ABCG1: variants seen among roughly 807,000 people sequenced by gnomAD.
The protein encoded by ABCG1 is ATP binding cassette subfamily G member 1.
ABCG1 carries 29 observed loss-of-function variants against 69.2 expected under a neutral mutation model. That is an observed-to-expected ratio of 0.42 (90% confidence interval 0.31 to 0.57). The LOEUF (loss-of-function observed/expected upper bound fraction) is 0.57, where lower values mean the gene tolerates loss of function less well. ABCG1 is among the 20% of genes least tolerant of loss of function. The pLI, the probability that ABCG1 is intolerant of heterozygous loss-of-function variation, is 0.15. For synonymous variants in ABCG1, 370 were observed against 374.8 expected, an observed-to-expected ratio of 0.99 and a Z score of 0.15; for missense variants, 718 against 898.1, an observed-to-expected ratio of 0.80 and a Z score of 2.56.
Position 42,296,227 on chromosome 21 carries a change from C to T in ABCG1, c.1836C>T (p.Asp612=). ...YGLDREDLHC[D]IDETCHFQKS... ...TAGACCGGGAAGATCTGCACTGTGA[C>T]ATCGACGAGACGTGCCACTTCCAGA... is the stretch of plus-strand genomic sequence containing the variant. The change falls in exon 15 of 15, where the codon GAC becomes GAT. Residue 612 remains aspartate, a synonymous_variant. Coordinates refer to ENST00000398449, the MANE Select transcript of ABCG1 (RefSeq NM_016818.3). This position sits in a 1 kb window ranked among gnomAD's most constrained non-coding sequence, Gnocchi z 5.4. 9 of 1,614,146 alleles carry T rather than the reference C, an allele frequency of 5.6e-6. No individual in the cohort carries two copies. Among genetic ancestry groups the T allele is most frequent in the Non-Finnish European group, 7.6e-6 (9 of 1,180,012 alleles).
At chr21:42,267,693 G>C (rs574914843) in intron 2 of ABCG1, among the ~76,000 whole-genome samples, 1 of 150,554 alleles carries the variant, frequency 6.6e-6, no homozygotes, top group Non-Finnish European at 1.5e-5. Context: ...TCTGGGTTCT[G>C]TCTGGGTCTG....
In ABCG1 at chr21:42,282,216, T is replaced by C. The variant is rs1401901739; in HGVS notation, c.589-58T>C. The C allele has an allele frequency of 4.4e-6, 7 of 1,584,262 alleles. No individual in the cohort carries two copies. In the South Asian group the frequency reaches 6.9e-5, roughly 16 times the overall value. ...CTGGCAGGTCTTCCTGCATGGGCCA[T>C]GGGAGGTGGTGAGCTTTGGCGGGCA... On this transcript the variant is annotated intron_variant, in intron 5 of 14. Coordinates refer to ENST00000398449, the MANE Select transcript of ABCG1 (RefSeq NM_016818.3).
chr21:42,243,888 G>C (rs1434731004), intron 2 of ABCG1, among the ~76,000 whole-genome samples: 1 of 134,986 alleles, frequency 7.4e-6, no homozygotes, highest in Admixed American at 8.7e-5. Context: ...GTGCGATCTC[G>C]GCTCACTGCA....
intron 2 of ABCG1, among the ~76,000 whole-genome samples, chr21:42,231,059 G>C (rs2067894252): frequency 6.6e-6 from 1 of 152,238 alleles, no homozygotes; most frequent in African/African-American, 2.4e-5. Context: ...GCTGTAAACT[G>C]ATGTATTTTC....
rs762616158 is a variant in ABCG1, at chr21:42,282,288, G to A, written c.603G>A (p.Leu201=). The change falls in exon 6 of 15, where the codon CTG becomes CTA. Residue 201 remains leucine, a synonymous_variant. Transcript: ENST00000398449. ...EGRREMVKEI[L]TALGLLSCAN... is the part of the protein sequence containing the mutation. ...GTTGCCCCCAGGTCAAGGAGATACT[G>A]ACAGCGCTGGGCTTGCTGTCTTGCG... The A allele has an allele frequency of 8.7e-6, 14 of 1,612,090 alleles. No individual in the cohort carries two copies. In the African/African-American group the frequency reaches 1.5e-4, roughly 17 times the overall value.
At chr21:42,222,927 C>A (rs989059395) in intron 1 of ABCG1, among the ~76,000 whole-genome samples, 2 of 152,190 alleles carry the variant, frequency 1.3e-5, no homozygotes, top group East Asian at 3.8e-4. Flanking sequence ...TTCCTTCACC[C>A]CCACTACCAA....
Position 42,288,098 on chromosome 21 carries a change from G to T in ABCG1, c.1122+61G>T, listed in dbSNP as rs767466690. The T allele has an allele frequency of 6.2e-7, 1 of 1,606,866 alleles. No individual in the cohort carries two copies. The highest frequency in any genetic ancestry group is 1.7e-5 in the Admixed American group (1 of 59,800). ...GGTAATGCAAATCCCGAAGCCCCCT[G>T]GGGGAGGCTGCACGTGGCACCGTGC... On this transcript the variant is annotated intron_variant, in intron 9 of 14. Coordinates refer to ENST00000398449, the MANE Select transcript of ABCG1 (RefSeq NM_016818.3). This position sits in a 1 kb window ranked among gnomAD's most constrained non-coding sequence, Gnocchi z 4.8.
In ABCG1 at chr21:42,219,180, C is replaced by A; in HGVS notation, c.-83C>A. ...CCCGCACCCCGCGCAGCGGCTGAGC[C>A]GGGAGCCAGCGCAGCCTCGGCCCCG... On this transcript the variant is annotated 5_prime_UTR_variant, in exon 1 of 15. Coordinates refer to ENST00000398449, the MANE Select transcript of ABCG1 (RefSeq NM_016818.3). This position sits in a 1 kb window ranked among gnomAD's most constrained non-coding sequence, Gnocchi z 5.3. 1 of 1,201,916 alleles carries A rather than the reference C, an allele frequency of 8.3e-7. No individual in the cohort carries two copies. 74.5% of individuals were successfully genotyped at this position (1,201,916 alleles called of 1,614,324 possible).
chr21:42,235,654 C>T (rs1393332400), intron 2 of ABCG1, among the ~76,000 whole-genome samples: 2 of 152,094 alleles, frequency 1.3e-5, no homozygotes, highest in African/African-American at 4.8e-5. Context: ...AAGTTATTAT[C>T]GATAGAAAGG....
chr21:42,255,995 T>C lies in ABCG1; in HGVS notation c.287-15075T>C, dbSNP rs543141868. On this transcript the variant is annotated intron_variant, in intron 2 of 14. Coordinates refer to ENST00000398449, the MANE Select transcript of ABCG1 (RefSeq NM_016818.3). The stretch of plus-strand genomic sequence containing the variant: ...TTTGTGTCCCCCAGAGTGAACCAGC[T>C]GGAGCCAGGGAGCCCCTAGAGCAGT... 9.9e-6 allele frequency: 4 copies of C among 404,576 alleles called. No individual in the cohort carries two copies. In the East Asian group the frequency reaches 1.7e-4, roughly 17 times the overall value. 25.1% of individuals were successfully genotyped at this position (404,576 alleles called of 1,614,324 possible). A position where few individuals can be genotyped will look rare whatever the true frequency, so the allele number is the denominator to read the frequency against.
At chr21:42,265,589 C>G (rs1275822718) in intron 2 of ABCG1, among the ~76,000 whole-genome samples, 1 of 152,152 alleles carries the variant, frequency 6.6e-6, no homozygotes, top group Admixed American at 6.5e-5. Context: ...TCCCCTAGCA[C>G]GTTCAGGGGG....
At chr21:42,245,387 T>C (rs995519055) in intron 2 of ABCG1, among the ~76,000 whole-genome samples, 4 of 152,234 alleles carry the variant, frequency 2.6e-5, no homozygotes, top group African/African-American at 9.6e-5. Flanking sequence ...CAATTGGTTT[T>C]AGGCATTCAG....
upstream of ABCG1, among the ~76,000 whole-genome samples, chr21:42,218,160 C>G (rs1007906445): frequency 1.3e-5 from 2 of 152,148 alleles, no homozygotes; most frequent in African/African-American, 4.8e-5. Flanking sequence ...AGAGAGAGAC[C>G]TGGCTCATCT....
intron 13 of ABCG1, among the ~76,000 whole-genome samples, chr21:42,293,442 A>C (rs1047310214): frequency 1.2e-4 from 17 of 146,670 alleles, no homozygotes; most frequent in Non-Finnish European, 2.0e-4. Context: ...ACTACACACC[A>C]CACACTACAC....
intron 8 of ABCG1, among the ~76,000 whole-genome samples, chr21:42,286,736 G>T (rs948489654): frequency 1.3e-5 from 2 of 152,246 alleles, no homozygotes; most frequent in East Asian, 3.8e-4. Context: ...GGAGGGAAGG[G>T]CGGGCAGGAA....
At chr21:42,269,620 C>T (rs1175664541) in intron 2 of ABCG1, among the ~76,000 whole-genome samples, 2 of 152,350 alleles carry the variant, frequency 1.3e-5, no homozygotes, top group East Asian at 3.9e-4. Flanking sequence ...TAATGAGTGG[C>T]AGTCCCAAGC....
chr21:42,292,949 C>T (rs1303783207), intron 13 of ABCG1, among the ~76,000 whole-genome samples: 22 of 138,786 alleles, frequency 1.6e-4, no homozygotes, highest in South Asian at 4.9e-4. Context: ...TAAACACATA[C>T]GACACTACAC....
Position 42,294,524 on chromosome 21 carries a change from G to A in ABCG1, c.1654-18G>A. On this transcript the variant is annotated intron_variant, in intron 13 of 14. Transcript: ENST00000398449. ...CTGCAGGTTCTGCTACATCTGTCCT[G>A]TGTGCCCCCAACTCCAGGTGGCCAC... 2 of 1,600,106 alleles carry A rather than the reference G, an allele frequency of 1.2e-6. No individual in the cohort carries two copies. Among genetic ancestry groups the A allele is most frequent in the Non-Finnish European group, 1.7e-6 (2 of 1,167,252 alleles).
chr21:42,285,775 G>A, intron 7 of ABCG1, 105 bp from the exon 8 acceptor site: 1 of 800,860 alleles, frequency 1.2e-6, no homozygotes, highest in South Asian at 1.5e-5. Context: ...TCGCTGGGCT[G>A]ACTGATTGAT....
Sources: gnomAD v4.1 joint callset for allele counts (sites outside exome capture counted in the v4.1 genomes callset) on GRCh38, gnomAD v4.1.1 for gene constraint, Gnocchi (gnomAD v3.1) non-coding constraint, MANE v1.5 for transcripts, NCBI Gene and HGNC (gene_info 2026-07-23, HGNC 2026-07-21) for gene names.